Variants in SLC66A2 observed in about 807,000 individuals in gnomAD.
SLC66A2 encodes solute carrier family 66 member 2.
SLC66A2 carries 23 observed loss-of-function variants against 25.5 expected under a neutral mutation model. That is an observed-to-expected ratio of 0.90 (90% CI 0.65 to 1.28). The LOEUF (loss-of-function observed/expected upper bound fraction) is 1.28, where lower values mean the gene tolerates loss of function less well. SLC66A2 is among the 50% of genes most tolerant of loss of function. SLC66A2 has a pLI of 0.00. For synonymous variants in SLC66A2, 193 were observed against 166.5 expected (o/e 1.16, Z -1.23); for missense variants, 396 against 373.1 (o/e 1.06, Z -0.51).
chr18:79,920,340 T>TG (rs1478620230), intron 4 of SLC66A2, among the ~76,000 whole-genome samples: 2 of 4,794 alleles, frequency 4.2e-4, no homozygotes, highest in African/African-American at 7.6e-4. Context: ...TCAAGGTCAG[T>TG]GAGGAGAGAC....
chr18:79,936,580 A>G (rs1987109401), intron 3 of SLC66A2, among the ~76,000 whole-genome samples: 1 of 152,242 alleles, frequency 6.6e-6, no homozygotes, highest in Non-Finnish European at 1.5e-5. Flanking sequence ...ATTTGGGACA[A>G]ATTTCAAGTA....
intron 3 of SLC66A2, among the ~76,000 whole-genome samples, chr18:79,938,888 G>A (rs1013686036): frequency 5.3e-5 from 8 of 152,184 alleles, no homozygotes; most frequent in African/African-American, 1.9e-4. Context: ...ATGTTGGCCA[G>A]GATGGTCTCG....
At chr18:79,909,559 C>T (rs1451275412) in intron 5 of SLC66A2, among the ~76,000 whole-genome samples, 1 of 149,262 alleles carries the variant, frequency 6.7e-6, no homozygotes, top group African/African-American at 2.5e-5. Flanking sequence ...CACACCCTCA[C>T]CAGAGTCCCC....
Position 79,919,109 on chromosome 18 carries a change from T to C in SLC66A2, c.608+75A>G, listed in dbSNP as rs563166504. 1.3e-5 allele frequency: 18 copies of C among 1,349,488 alleles called. No homozygotes were observed. In the African/African-American group the frequency reaches 2.6e-4, roughly 19 times the overall value. The allele number at this position is 1,349,488 out of a possible 1,614,324, so 83.6% of individuals were successfully genotyped here. On this transcript the variant is annotated intron_variant, in intron 5 of 5. Transcript: ENST00000397778. ...AATACACAGCCAGACACACAGGCGT[T>C]TGATTTTTACCAAATCTGCAGCCAT...
chr18:79,903,837 A>C lies in SLC66A2; in HGVS notation c.*139T>G. The stretch of plus-strand genomic sequence containing the variant: ...CACTGCCCACCCTGAGACACCCCAC[A>C]GAGGCTGATGGAGACCCCAATGCCC... On this transcript the variant is annotated 3_prime_UTR_variant, in exon 6 of 6. Transcript: ENST00000397778. 2.2e-5 allele frequency: 14 copies of C among 650,348 alleles called. No homozygotes were observed. Among genetic ancestry groups the C allele is most frequent in the East Asian group, 3.1e-5 (1 of 32,162 alleles). The allele number at this position is 650,348 out of a possible 1,614,324, so 40.3% of individuals were successfully genotyped here. A position where few individuals can be genotyped will look rare whatever the true frequency, so the allele number is the denominator to read the frequency against.
chr18:79,950,908 C>A lies in SLC66A2; in HGVS notation c.19G>T (p.Asp7Tyr). 1 of 1,582,404 alleles carries A rather than the reference C, an allele frequency of 6.3e-7. No individual in the cohort carries two copies. ...TGGTGCAGTGGCACCAGGAGCCAGT[C>A]CAGGCCCTCGGCCTCCATCGCAGCG... MEAEGL[D>Y]WLLVPLHQLV... The change falls in exon 2 of 6, where the codon GAC becomes TAC. Residue 7 changes from aspartate (D) to tyrosine (Y), a missense_variant. By Grantham distance (160) the Asp-to-Tyr change is radical. Coordinates refer to ENST00000397778, the MANE Select transcript of SLC66A2 (RefSeq NM_025078.5).
At chr18:79,944,921 GCCCCCTCA>G (rs1988049878) in intron 2 of SLC66A2, among the ~76,000 whole-genome samples, 1 of 3,404 alleles carries the variant, frequency 2.9e-4, no homozygotes, top group Non-Finnish European at 4.1e-3. Context: ...GAACCCCACA[GCCCCCTCA>G]GCACCCCCTT....
At position 79,943,440 on chromosome 18, in the gene SLC66A2, G is replaced by C. The variant is rs765168124; in HGVS notation, c.226C>G (p.Pro76Ala). 6.2e-7 allele frequency: 1 copy of C among 1,614,056 alleles called. No homozygotes were observed. The highest frequency in any genetic ancestry group is 2.2e-5 in the East Asian group (1 of 44,872). Reference protein sequence around the residue: ...LFWFGRRFESPLLWQSAIMIL... With the variant: ...LFWFGRRFESALLWQSAIMIL... ...ATGATGGCGCTCTGCCACAGCAGCG[G>C]GGACTCAAAGCGCCTTCCAAACCTG... The change falls in exon 3 of 6, where the codon CCG (proline) becomes GCG (alanine). Residue 76 changes from proline to alanine, a missense_variant. Pro to Ala is a conservative substitution (Grantham distance 27, BLOSUM62 -1). Coordinates refer to ENST00000397778, the MANE Select transcript of SLC66A2 (RefSeq NM_025078.5).
chr18:79,909,757 A>G (rs1345109220), intron 5 of SLC66A2, among the ~76,000 whole-genome samples: 6 of 87,176 alleles, frequency 6.9e-5, no homozygotes, highest in Non-Finnish European at 9.0e-5. Context: ...AGAGTCCCCA[A>G]CCTTCCCCAC....
chr18:79,918,193 T>C lies in SLC66A2; in HGVS notation c.608+991A>G, dbSNP rs908822823. On this transcript the variant is annotated intron_variant, in intron 5 of 5. Coordinates refer to ENST00000397778, the MANE Select transcript of SLC66A2 (RefSeq NM_025078.5). This position sits in a 1 kb window ranked among gnomAD's most constrained non-coding sequence, Gnocchi z 4.0. Reference sequence around the variant, plus strand: ...AATACTCAGAGGTCTCTGAAAGCCCTCAAGAGAGTGCTGTGGCCCCTGGGC... The same window carrying C: ...AATACTCAGAGGTCTCTGAAAGCCCCCAAGAGAGTGCTGTGGCCCCTGGGC... Among the ~76,000 whole-genome samples the C allele has an allele frequency of 6.6e-6, 1 of 152,056 alleles. No individual in the cohort carries two copies. Among genetic ancestry groups the C allele is most frequent in the Non-Finnish European group, 1.5e-5 (1 of 67,988 alleles).
rs1362252601 is a variant in SLC66A2 at position 79,941,683 on chromosome 18, G to A, written c.337+1646C>T. 1.3e-5 allele frequency: 2 copies of A among 152,196 alleles called. No individual in the cohort carries two copies. Among genetic ancestry groups the A allele is most frequent in the African/African-American group, 4.8e-5 (2 of 41,428 alleles). The allele number at this position is 152,196 out of a possible 1,614,324, so 9.4% of individuals were successfully genotyped here. A position where few individuals can be genotyped will look rare whatever the true frequency, so the allele number is the denominator to read the frequency against. On this transcript the variant is annotated intron_variant, in intron 3 of 5. Coordinates refer to ENST00000397778, the MANE Select transcript of SLC66A2 (RefSeq NM_025078.5). The surrounding 1 kb of genome is among the most constrained non-coding windows in gnomAD (Gnocchi z 4.1). ...GGGGAGCTTACGATGCCGCTTCTAG[G>A]GGTATCCCAGTGTTCCAACACACAC...
chr18:79,945,695 G>C (rs1381683874), intron 2 of SLC66A2, among the ~76,000 whole-genome samples: 6 of 152,256 alleles, frequency 3.9e-5, no homozygotes, highest in African/African-American at 1.4e-4. Context: ...GCAGGAGCAG[G>C]AGTGCAGGGG....
At chr18:79,948,608 T>A (rs762227473) in intron 2 of SLC66A2, among the ~76,000 whole-genome samples, 1 of 152,168 alleles carries the variant, frequency 6.6e-6, no homozygotes, top group African/African-American at 2.4e-5. Context: ...CCAAAAGTGC[T>A]GGAATTACAG....
At chr18:79,912,968 A>AG (rs1184972865) in intron 5 of SLC66A2, among the ~76,000 whole-genome samples, 2 of 152,176 alleles carry the variant, frequency 1.3e-5, no homozygotes, top group Non-Finnish European at 1.5e-5. Context: ...ACGTGGCCCC[A>AG]GGGGAGACAT....
rs1435869061 is a variant in SLC66A2 at position 79,939,484 on chromosome 18, C to T, written c.337+3845G>A. Among the ~76,000 whole-genome samples the T allele has an allele frequency of 2.6e-5, 4 of 152,262 alleles. 1 individual carries two copies. The highest frequency in any genetic ancestry group is 4.8e-5 in the African/African-American group (2 of 41,548). Reference sequence around the variant, plus strand: ...GATGGGAGAAAATTTTTGCAAACTACGCATTTGACAAAGGTCTAATATCCA... The same window carrying T: ...GATGGGAGAAAATTTTTGCAAACTATGCATTTGACAAAGGTCTAATATCCA... On this transcript the variant is annotated intron_variant, in intron 3 of 5. Transcript: ENST00000397778.
chr18:79,943,290 G>A (rs917861409), intron 3 of SLC66A2, 39 bp downstream of exon 3: 1 of 1,607,936 alleles, frequency 6.2e-7, no homozygotes, highest in Non-Finnish European at 8.5e-7. Flanking sequence ...CCTACGCCCT[G>A]ATTCCCTGCG....
intron 2 of SLC66A2, 36 bp from the exon 3 acceptor site, chr18:79,943,498 C>T (rs1217212853): frequency 2.5e-6 from 4 of 1,601,642 alleles, no homozygotes; most frequent in Non-Finnish European, 2.6e-6. Flanking sequence ...GGGAGGTCCA[C>T]CCATGCCACT....
intron 4 of SLC66A2, among the ~76,000 whole-genome samples, chr18:79,923,412 C>T (rs927234614): frequency 4.0e-5 from 6 of 151,850 alleles, no homozygotes; most frequent in Non-Finnish European, 8.8e-5. Context: ...ACACAGGACG[C>T]CAGGTGAGGG....
intron 4 of SLC66A2, among the ~76,000 whole-genome samples, chr18:79,923,411 G>A (rs979865632): frequency 2.0e-5 from 3 of 152,000 alleles, no homozygotes; most frequent in African/African-American, 4.8e-5. Context: ...GACACAGGAC[G>A]CCAGGTGAGG....
Sources: gnomAD v4.1 joint callset for allele counts (sites outside exome capture counted in the v4.1 genomes callset) on GRCh38, gnomAD v4.1.1 for gene constraint, Gnocchi (gnomAD v3.1) non-coding constraint, MANE v1.5 for transcripts, NCBI Gene and HGNC (gene_info 2026-07-23, HGNC 2026-07-21) for gene names.